The following ADGRG6 variants were observed in gnomAD, a reference collection of about 807,000 sequenced individuals.
ADGRG6 encodes G-protein coupled receptor 126.
In ADGRG6, 84 loss-of-function variants were observed where a neutral mutation model predicts 142.4. The observed-to-expected ratio is 0.59, with a 90% CI of 0.49 to 0.71. The LOEUF is 0.71. Ranked by LOEUF, ADGRG6 falls within the 30% of genes least tolerant of loss-of-function variation. ADGRG6 has a pLI of 0.00. For synonymous variants in ADGRG6, 521 were observed against 520.5 expected, an observed-to-expected ratio of 1.00 and a Z score of -0.01; for missense variants, 1,367 against 1,466.6, an observed-to-expected ratio of 0.93 and a Z score of 1.11.
rs751295041 is a variant in ADGRG6, at chr6:142,411,403, G to A, written c.2533G>A (p.Val845Ile). 1.9e-5 allele frequency: 30 copies of A among 1,539,810 alleles called. No individual in the cohort carries two copies. Among genetic ancestry groups the A allele is most frequent in the Admixed American group, 1.0e-4 (6 of 59,814 alleles). ...GTGTAACCACTTCACACACTTTGGA[G>A]TTCTGATGGTAAGGGGGGAATTTCT... is the stretch of plus-strand genomic sequence containing the variant. ...CLCNHFTHFG[V>I]LMDLPRSASQ... Residue 845 changes from valine (V) to isoleucine (I), a missense_variant, in exon 18 of 25, where the codon GTT becomes ATT. Val to Ile is a conservative substitution (Grantham distance 29). This residue lies in a region of ADGRG6 where 286 missense variants were observed against 371.4 expected (regional missense o/e 0.77). Coordinates refer to ENST00000367609, the MANE Select transcript of ADGRG6 (RefSeq NM_198569.3).
chr6:142,416,453 C>T (rs1302648289), intron 20 of ADGRG6, among the ~76,000 whole-genome samples: 1 of 152,178 alleles, frequency 6.6e-6, no homozygotes, highest in Non-Finnish European at 1.5e-5. Context: ...ATGCCTATGT[C>T]TTGGAAACCA....
At chr6:142,427,620 G>A (rs1398110051) in intron 22 of ADGRG6, among the ~76,000 whole-genome samples, 2 of 151,994 alleles carry the variant, frequency 1.3e-5, no homozygotes, top group East Asian at 3.9e-4. Flanking sequence ...CCATACTTCT[G>A]GTACCAATTT....
At chr6:142,366,801 C>A (rs1473964815) in intron 2 of ADGRG6, among the ~76,000 whole-genome samples, 1 of 151,026 alleles carries the variant, frequency 6.6e-6, no homozygotes, top group African/African-American at 2.4e-5. Flanking sequence ...GTCTTTGCTG[C>A]TCATTGATAT....
intron 2 of ADGRG6, among the ~76,000 whole-genome samples, chr6:142,322,030 A>C (rs1342662353): frequency 6.6e-6 from 1 of 152,176 alleles, no homozygotes; most frequent in African/African-American, 2.4e-5. Context: ...TCTTCCCAGC[A>C]GGAAAAGAAT....
chr6:142,408,929 C>T (rs1311595589), intron 16 of ADGRG6, among the ~76,000 whole-genome samples: 1 of 152,152 alleles, frequency 6.6e-6, no homozygotes, highest in African/African-American at 2.4e-5. Flanking sequence ...GATCTAGCCT[C>T]CTTTGCCACG....
In ADGRG6 at chr6:142,331,147, A is replaced by C. The variant is rs866880148; in HGVS notation, c.103+21503A>C. Among the ~76,000 whole-genome samples the C allele has an allele frequency of 4.2e-4, 64 of 152,028 alleles. 1 individual carries two copies. Among genetic ancestry groups the C allele is most frequent in the Middle Eastern group, 6.8e-3 (2 of 294 alleles). ...GGTAGAAAAGAGTTAAAAAAAAAAA[A>C]AACTATCAAACTAGTGTTTTTCAGT... On this transcript the variant is annotated intron_variant, in intron 2 of 24. Coordinates refer to ENST00000367609, the MANE Select transcript of ADGRG6 (RefSeq NM_198569.3).
intron 10 of ADGRG6, 94 bp downstream of exon 10, chr6:142,397,849 T>A: frequency 1.3e-6 from 1 of 769,980 alleles, no homozygotes. Context: ...ATGCGCTATT[T>A]GTTTATGTAA....
intron 2 of ADGRG6, among the ~76,000 whole-genome samples, chr6:142,347,031 A>C (rs1779935755): frequency 6.6e-6 from 1 of 152,164 alleles, no homozygotes; most frequent in African/African-American, 2.4e-5. Context: ...TTTTTTTAAA[A>C]AGCCATTTTT....
intron 2 of ADGRG6, among the ~76,000 whole-genome samples, chr6:142,315,073 T>A (rs1777972927): frequency 6.6e-6 from 1 of 151,976 alleles, no homozygotes; most frequent in African/African-American, 2.4e-5. Context: ...TTCTGTGTAC[T>A]TCCAATTTTA....
At chr6:142,383,663 C>T (rs1271284982) in intron 5 of ADGRG6, 97 bp from the exon 6 acceptor site, 5 of 671,438 alleles carry the variant, frequency 7.4e-6, no homozygotes, top group Non-Finnish European at 1.3e-5. Context: ...TTCCATTCTT[C>T]CCCTATATAT....
At chr6:142,330,843 A>T (rs1223985195) in intron 2 of ADGRG6, among the ~76,000 whole-genome samples, 1 of 152,054 alleles carries the variant, frequency 6.6e-6, no homozygotes, top group African/African-American at 2.4e-5. Context: ...TGAAAAATTG[A>T]TTTTCAATTT....
In ADGRG6 at chr6:142,341,386, ATATAT is replaced by A. The variant is rs1217969646; in HGVS notation, c.104-26172_104-26168del. ...TAAGAATATATATTATATATATACT[ATATAT>A]TATATTATATAATATATTATATAAT... On this transcript the variant is annotated intron_variant, in intron 2 of 24. Coordinates refer to ENST00000367609, the MANE Select transcript of ADGRG6 (RefSeq NM_198569.3). Among the ~76,000 whole-genome samples the A allele has an allele frequency of 7.9e-5, 10 of 125,984 alleles. 1 individual carries two copies. The highest frequency in any genetic ancestry group is 1.2e-4 in the African/African-American group (4 of 32,996). The allele number at this position is 125,984 out of a possible 152,430, so 82.7% of individuals were successfully genotyped here. A position where few individuals can be genotyped will look rare whatever the true frequency, so the allele number is the denominator to read the frequency against.
Position 142,444,708 on chromosome 6 carries a change from C to A in ADGRG6, c.*1193C>A, listed in dbSNP as rs143300254. The A allele has an allele frequency of 2.6e-5, 4 of 152,298 alleles. No homozygotes were observed. The highest frequency in any genetic ancestry group is 9.6e-5 in the African/African-American group (4 of 41,570). 9.4% of individuals were successfully genotyped at this position (152,298 alleles called of 1,614,324 possible). ...ATCAGGCTGCTGCATACAAACCTTG[C>A]ATACTATTATGCAGCTTACCTAACT... On this transcript the variant is annotated 3_prime_UTR_variant, in exon 25 of 25. Coordinates refer to ENST00000367609, the MANE Select transcript of ADGRG6 (RefSeq NM_198569.3).
intron 7 of ADGRG6, among the ~76,000 whole-genome samples, chr6:142,392,386 A>G (rs1024949060): frequency 1.3e-5 from 2 of 151,852 alleles, no homozygotes; most frequent in African/African-American, 4.8e-5. Context: ...CACATAATAA[A>G]TACATAGTTC....
chr6:142,441,932 C>G (rs2294772), intron 24 of ADGRG6, among the ~76,000 whole-genome samples: 12,370 of 152,198 alleles, frequency 0.081, 612 homozygotes, highest in East Asian at 0.25. Flanking sequence ...CTCCATGAAC[C>G]ATCTATTCTT....
At chr6:142,422,870 G>A (rs1422585789) in intron 22 of ADGRG6, among the ~76,000 whole-genome samples, 1 of 139,660 alleles carries the variant, frequency 7.2e-6, no homozygotes, top group Non-Finnish European at 1.5e-5. Flanking sequence ...ACTGGTGTGA[G>A]ATGGTATCTC....
At chr6:142,411,253 A>G (rs1776065450) in intron 17 of ADGRG6, 52 bp from the exon 18 acceptor site, 1 of 948,816 alleles carries the variant, frequency 1.1e-6, no homozygotes, top group Admixed American at 1.7e-5. Context: ...CATCCATTAT[A>G]GAGAAGAAAC....
chr6:142,356,604 T>A (rs1461033195), intron 2 of ADGRG6, among the ~76,000 whole-genome samples: 1 of 152,324 alleles, frequency 6.6e-6, no homozygotes, highest in Middle Eastern at 3.4e-3. Context: ...CTTGGAAACT[T>A]TTTTGTAGTA....
At chr6:142,412,983 G>C (rs1422759652) in intron 18 of ADGRG6, among the ~76,000 whole-genome samples, 1 of 151,840 alleles carries the variant, frequency 6.6e-6, no homozygotes, top group Non-Finnish European at 1.5e-5. Flanking sequence ...TTATGAGTTT[G>C]TAATTACGCA....
Sources: gnomAD v4.1 joint callset for allele counts (sites outside exome capture counted in the v4.1 genomes callset) on GRCh38, gnomAD v4.1.1 for gene constraint, gnomAD v4.1.1 regional missense constraint, MANE v1.5 for transcripts, NCBI Gene and HGNC (gene_info 2026-07-23, HGNC 2026-07-21) for gene names.